The following COMMD1 variants were observed in gnomAD, a reference collection of about 807,000 sequenced individuals.
COMMD1 encodes the protein COMM domain-containing protein 1.
COMMD1 carries 10 observed loss-of-function variants against 17.2 expected under a neutral mutation model. The ratio of observed to expected loss-of-function variants is 0.58; its 90% CI spans 0.36 to 0.99. The LOEUF (loss-of-function observed/expected upper bound fraction) is 0.99, where lower values mean the gene tolerates loss of function less well. COMMD1 is among the 50% of genes least tolerant of loss of function. The pLI, the probability that COMMD1 is intolerant of heterozygous loss-of-function variation, is 0.01. For missense variants in COMMD1, 270 were observed against 231.8 expected (o/e 1.17, Z -1.07); for synonymous variants, 97 against 91.6 (o/e 1.06, Z -0.34).
intron 1 of COMMD1, among the ~76,000 whole-genome samples, chr2:61,924,268 G>C (rs186565833): frequency 6.6e-5 from 10 of 152,170 alleles, no homozygotes; most frequent in African/African-American, 2.4e-4. Flanking sequence ...ATCTCTCTCT[G>C]AGGGAGAAGT....
chr2:61,963,096 G>A (rs899893823), intron 1 of COMMD1, among the ~76,000 whole-genome samples: 1 of 150,718 alleles, frequency 6.6e-6, no homozygotes, highest in African/African-American at 2.4e-5. Flanking sequence ...GGAGGCGGAG[G>A]TTACAGTGAG....
Position 62,032,519 on chromosome 2 carries a change from G to C in COMMD1, c.462+31537G>C, listed in dbSNP as rs147730860. On this transcript the variant is annotated intron_variant, in intron 2 of 2. Coordinates refer to ENST00000311832, the MANE Select transcript of COMMD1 (RefSeq NM_152516.4). ...CCACCGCACTCCAGCATGGATGACA[G>C]AGCGAGACCCTGTCTCTAAAACAAA... Among the ~76,000 whole-genome samples the C allele has an allele frequency of 8.0e-3, 1,225 of 152,284 alleles. 23 individuals are homozygous for C. The highest frequency in any genetic ancestry group is 0.029 in the African/African-American group (1,188 of 41,566).
At chr2:61,962,395 T>G (rs758695920) in intron 1 of COMMD1, among the ~76,000 whole-genome samples, 1 of 152,150 alleles carries the variant, frequency 6.6e-6, no homozygotes, top group African/African-American at 2.4e-5. Context: ...GATCATACTT[T>G]ATAGTTTTTG....
chr2:61,981,337 G>C lies in COMMD1; in HGVS notation c.181-19364G>C, dbSNP rs202013196. ...GATTTGATTTTTGTACATGGCGAGA[G>C]ATAGGGGTCTAGTTTCAGATCTTCT... On this transcript the variant is annotated intron_variant, in intron 1 of 2. Coordinates refer to ENST00000311832, the MANE Select transcript of COMMD1 (RefSeq NM_152516.4). Among the ~76,000 whole-genome samples, 13 of 152,312 alleles carry C rather than the reference G, an allele frequency of 8.5e-5. No homozygotes were observed. The East Asian group carries it at 2.3e-3, about 27-fold the overall frequency.
At chr2:61,952,479 C>T (rs976131683) in intron 1 of COMMD1, among the ~76,000 whole-genome samples, 1 of 152,124 alleles carries the variant, frequency 6.6e-6, no homozygotes, top group Non-Finnish European at 1.5e-5. Flanking sequence ...GACTGATCCC[C>T]ACCCAGAACC....
At chr2:62,011,406 T>C (rs935787278) in intron 2 of COMMD1, among the ~76,000 whole-genome samples, 8 of 152,184 alleles carry the variant, frequency 5.3e-5, no homozygotes, top group African/African-American at 1.2e-4. Flanking sequence ...TTTTGTTACT[T>C]TAGTTGTTTT....
intron 1 of COMMD1, among the ~76,000 whole-genome samples, chr2:61,974,206 A>C (rs138593475): frequency 1.2e-4 from 19 of 152,200 alleles, no homozygotes; most frequent in Non-Finnish European, 2.4e-4. Flanking sequence ...AGGCACGAGA[A>C]TCGCTTGAAC....
Position 62,026,396 on chromosome 2 carries a change from C to T in COMMD1, c.462+25414C>T, listed in dbSNP as rs552180797. Among the ~76,000 whole-genome samples, 264 of 152,276 alleles carry T rather than the reference C, an allele frequency of 1.7e-3. 2 individuals carry two copies. The highest frequency in any genetic ancestry group is 5.2e-3 in the African/African-American group (215 of 41,544). ...AAAGAAAAGGGTGGGTGGTGCCACA[C>T]ACTTTTAAATGACCAGATCTCTTGA... On this transcript the variant is annotated intron_variant, in intron 2 of 2. Coordinates refer to ENST00000311832, the MANE Select transcript of COMMD1 (RefSeq NM_152516.4).
At chr2:62,117,785 A>G (rs543098983) in intron 2 of COMMD1, among the ~76,000 whole-genome samples, 1 of 152,224 alleles carries the variant, frequency 6.6e-6, no homozygotes, top group South Asian at 2.1e-4. Flanking sequence ...CTTTTCCCAC[A>G]ATCTCTCCTA....
At chr2:62,028,507 G>A (rs1451052681) in intron 2 of COMMD1, among the ~76,000 whole-genome samples, 1 of 152,068 alleles carries the variant, frequency 6.6e-6, no homozygotes, top group African/African-American at 2.4e-5. Context: ...ACTTGAGTCT[G>A]GGAGGTCATG....
intron 2 of COMMD1, among the ~76,000 whole-genome samples, chr2:62,088,714 G>A (rs1373819586): frequency 6.6e-6 from 1 of 152,094 alleles, no homozygotes; most frequent in Non-Finnish European, 1.5e-5. Context: ...CTTTAATGAT[G>A]TCCACGAAAA....
At chr2:61,991,745 A>T (rs186424959) in intron 1 of COMMD1, among the ~76,000 whole-genome samples, 70 of 152,316 alleles carry the variant, frequency 4.6e-4, no homozygotes, top group African/African-American at 1.6e-3. Flanking sequence ...TGGGATTGCT[A>T]GTTGGGGAAT....
chr2:62,025,687 TTTAAA>T (rs1669735830), intron 2 of COMMD1, among the ~76,000 whole-genome samples: 1 of 152,074 alleles, frequency 6.6e-6, no homozygotes, highest in Admixed American at 6.5e-5. Flanking sequence ...GTGTCTGTGT[TTTAAA>T]TTATTTTGTT....
At chr2:62,048,379 G>C (rs557371144) in intron 2 of COMMD1, among the ~76,000 whole-genome samples, 1 of 151,712 alleles carries the variant, frequency 6.6e-6, no homozygotes, top group Non-Finnish European at 1.5e-5. Context: ...TAGTAGAGAC[G>C]GGGTTTCACT....
intron 1 of COMMD1, among the ~76,000 whole-genome samples, chr2:61,993,214 T>C (rs1668641796): frequency 6.6e-6 from 1 of 152,128 alleles, no homozygotes; most frequent in Non-Finnish European, 1.5e-5. Flanking sequence ...CACACTTAGT[T>C]TAGGTTCAAG....
chr2:62,065,378 C>G (rs888291834), intron 2 of COMMD1, among the ~76,000 whole-genome samples: 14 of 103,588 alleles, frequency 1.4e-4, no homozygotes, highest in Admixed American at 2.8e-4. Flanking sequence ...TAGGGTCTTG[C>G]TCTGTTACCC....
At chr2:61,981,951 G>T (rs1242703831) in intron 1 of COMMD1, among the ~76,000 whole-genome samples, 1 of 152,094 alleles carries the variant, frequency 6.6e-6, no homozygotes, top group African/African-American at 2.4e-5. Context: ...TTTTGCTCAG[G>T]ATAGCTTTGG....
intron 2 of COMMD1, among the ~76,000 whole-genome samples, chr2:62,020,523 T>C (rs943355265): frequency 6.6e-6 from 1 of 152,220 alleles, no homozygotes; most frequent in East Asian, 1.9e-4. Context: ...TATTTCTGTC[T>C]CTTTCAGTCG....
At chr2:61,888,528 G>C, upstream of COMMD1, 1 of 1,606,638 alleles carries the variant, frequency 6.2e-7, no homozygotes. Flanking sequence ...GCTGTGTCTG[G>C]GTTGGCTCGG....
Sources: gnomAD v4.1 joint callset for allele counts (sites outside exome capture counted in the v4.1 genomes callset) on GRCh38, gnomAD v4.1.1 for gene constraint, MANE v1.5 for transcripts, NCBI Gene and HGNC (gene_info 2026-07-23, HGNC 2026-07-21) for gene names.